The following RNF150 variants were observed in gnomAD, a reference collection of about 807,000 sequenced individuals.
The protein encoded by RNF150 is ring finger protein 150.
Under a neutral mutation model 39.3 loss-of-function variants are expected in RNF150, and 24 were observed. The observed-to-expected ratio is 0.61, with a 90% confidence interval of 0.44 to 0.86. The LOEUF (loss-of-function observed/expected upper bound fraction) is 0.86. RNF150 is among the 40% of genes least tolerant of loss of function. The pLI, the probability that RNF150 is intolerant of heterozygous loss-of-function variation, is 0.00. For missense variants in RNF150, 502 were observed against 587.8 expected (o/e 0.85, Z 1.51); for synonymous variants, 255 against 227.3 (o/e 1.12, Z -1.10).
At chr4:141,148,915 C>G (rs354936) in intron 1 of RNF150, among the ~76,000 whole-genome samples, 1 of 151,988 alleles carries the variant, frequency 6.6e-6, no homozygotes, top group East Asian at 1.9e-4. Context: ...GTGGCTTTAT[C>G]ATTCCTCCTC....
intron 5 of RNF150, among the ~76,000 whole-genome samples, chr4:140,918,734 AAAG>A (rs145547594): frequency 0.55 from 82,640 of 150,698 alleles, 23,081 homozygotes; most frequent in East Asian, 0.89. Flanking sequence ...CACAACCAAA[AAAG>A]AGAATTTTAG....
At chr4:141,023,080 T>G (rs562389334) in intron 1 of RNF150, among the ~76,000 whole-genome samples, 17 of 152,174 alleles carry the variant, frequency 1.1e-4, no homozygotes, top group Non-Finnish European at 2.5e-4. Context: ...AAAATTTGAG[T>G]GTACTAAGTG....
At chr4:140,946,072 T>C (rs1347929570) in intron 4 of RNF150, among the ~76,000 whole-genome samples, 2 of 152,236 alleles carry the variant, frequency 1.3e-5, no homozygotes, top group Non-Finnish European at 2.9e-5. Flanking sequence ...CGAATCCTCA[T>C]ATGAAGGAAA....
At chr4:140,911,395 C>T in intron 5 of RNF150, 41 bp from the exon 6 acceptor site, 1 of 1,541,590 alleles carries the variant, frequency 6.5e-7, no homozygotes, top group Non-Finnish European at 8.9e-7. Flanking sequence ...TACATGTCAT[C>T]CACTTAGAGA....
At chr4:141,185,251 T>C (rs1727983088) in intron 1 of RNF150, among the ~76,000 whole-genome samples, 1 of 152,110 alleles carries the variant, frequency 6.6e-6, no homozygotes, top group South Asian at 2.1e-4. Flanking sequence ...TCATGTCCCT[T>C]GTAAGTTGTA....
intron 1 of RNF150, among the ~76,000 whole-genome samples, chr4:141,098,059 A>G (rs1176226960): frequency 6.6e-5 from 10 of 152,202 alleles, no homozygotes; most frequent in Non-Finnish European, 8.8e-5. Context: ...ACAGCTAGAA[A>G]TAACTCCAAT....
rs117525253 is a variant in RNF150, at chr4:141,111,103, G to A, written c.484+21222C>T. On this transcript the variant is annotated intron_variant, in intron 1 of 6. Coordinates refer to ENST00000515673, the MANE Select transcript of RNF150 (RefSeq NM_020724.2). ...GCCCTCACAGCTGAATGATGTACAG[G>A]GCAACAATGAATTATCAGGACAAAA... Among the ~76,000 whole-genome samples, 15 of 152,190 alleles carry A rather than the reference G, an allele frequency of 9.9e-5. No individual in the cohort carries two copies. In the East Asian group the frequency reaches 2.5e-3, roughly 25 times the overall value.
At chr4:141,003,608 CGT>C (rs1734755082) in intron 1 of RNF150, among the ~76,000 whole-genome samples, 2 of 148,616 alleles carry the variant, frequency 1.3e-5, no homozygotes, top group African/African-American at 4.9e-5. Flanking sequence ...CACACACACA[CGT>C]GTGCACACTC....
chr4:141,112,167 A>G (rs151336069), intron 1 of RNF150, among the ~76,000 whole-genome samples: 26 of 152,272 alleles, frequency 1.7e-4, no homozygotes, highest in African/African-American at 6.0e-4. Flanking sequence ...AATATACAGA[A>G]GAGTCTTTAT....
At chr4:141,123,046 A>T (rs923466010) in intron 1 of RNF150, among the ~76,000 whole-genome samples, 7 of 152,204 alleles carry the variant, frequency 4.6e-5, no homozygotes, top group Non-Finnish European at 8.8e-5. Context: ...ATGCTACAAG[A>T]TGAATAAACA....
intron 4 of RNF150, among the ~76,000 whole-genome samples, chr4:140,943,167 C>A (rs1461850651): frequency 6.6e-6 from 1 of 152,124 alleles, no homozygotes; most frequent in African/African-American, 2.4e-5. Context: ...TCAGTTTATG[C>A]ACCTTAGAGC....
intron 1 of RNF150, among the ~76,000 whole-genome samples, chr4:141,098,850 G>A (rs985246090): frequency 3.3e-5 from 5 of 152,130 alleles, no homozygotes; most frequent in Non-Finnish European, 5.9e-5. Flanking sequence ...GAGACATCAG[G>A]AAGTTTTATT....
chr4:141,187,093 G>T (rs563201930), intron 1 of RNF150, among the ~76,000 whole-genome samples: 1 of 152,234 alleles, frequency 6.6e-6, no homozygotes, highest in African/African-American at 2.4e-5. Context: ...ATTTATTTCT[G>T]CCTTAAATTT....
intron 1 of RNF150, among the ~76,000 whole-genome samples, chr4:141,005,415 T>C (rs1447326789): frequency 6.6e-6 from 1 of 152,142 alleles, no homozygotes; most frequent in Admixed American, 6.5e-5. Context: ...ATATTCGGTG[T>C]TAAGCAGAGG....
intron 1 of RNF150, among the ~76,000 whole-genome samples, chr4:141,149,943 A>T (rs1008310228): frequency 1.3e-5 from 2 of 152,148 alleles, no homozygotes; most frequent in Non-Finnish European, 2.9e-5. Context: ...GGAGTGAGTC[A>T]GGGCCCTCGC....
intron 1 of RNF150, among the ~76,000 whole-genome samples, chr4:141,005,858 G>C (rs924512125): frequency 3.3e-5 from 5 of 149,754 alleles, no homozygotes; most frequent in Admixed American, 2.7e-4. Flanking sequence ...CACGAGGTCA[G>C]GAGATCGAGA....
chr4:140,883,570 T>C (rs555177931), intron 6 of RNF150, among the ~76,000 whole-genome samples: 19 of 152,274 alleles, frequency 1.2e-4, no homozygotes, highest in Admixed American at 5.9e-4. Flanking sequence ...GACATTTTTT[T>C]CCCTTTTTCT....
chr4:141,037,722 T>C (rs182719306), intron 1 of RNF150, among the ~76,000 whole-genome samples: 1 of 152,146 alleles, frequency 6.6e-6, no homozygotes, highest in Non-Finnish European at 1.5e-5. Context: ...GCTGTAAGAG[T>C]AGATTTCATT....
chr4:140,983,969 G>A (rs953672842), intron 1 of RNF150, among the ~76,000 whole-genome samples: 6 of 151,926 alleles, frequency 3.9e-5, no homozygotes, highest in African/African-American at 1.5e-4. Context: ...TGAGGTCCTT[G>A]CCTCAAGTGA....
Sources: gnomAD v4.1 joint callset for allele counts (sites outside exome capture counted in the v4.1 genomes callset) on GRCh38, gnomAD v4.1.1 for gene constraint, MANE v1.5 for transcripts, NCBI Gene and HGNC (gene_info 2026-07-23, HGNC 2026-07-21) for gene names.